The following STXBP6 variants were observed in gnomAD, a reference collection of about 807,000 sequenced individuals.
STXBP6 encodes syntaxin-binding protein 6.
Under a neutral mutation model 26.9 loss-of-function variants are expected in STXBP6, and 21 were observed. That is an observed-to-expected ratio of 0.78 (90% CI 0.55 to 1.12). The LOEUF is 1.12. STXBP6 is among the 50% of genes most tolerant of loss of function. The pLI is 0.00. For synonymous variants in STXBP6, 97 were observed against 92.6 expected, an observed-to-expected ratio of 1.05 and a Z score of -0.27; for missense variants, 232 against 257.9, an observed-to-expected ratio of 0.90 and a Z score of 0.69.
chr14:24,831,837 T>G (rs2068463414), intron 4 of STXBP6, among the ~76,000 whole-genome samples: 1 of 152,058 alleles, frequency 6.6e-6, no homozygotes, highest in African/African-American at 2.4e-5. Context: ...ACACCCCCAT[T>G]GTTTGAGATT....
intron 4 of STXBP6, among the ~76,000 whole-genome samples, chr14:24,847,327 T>A (rs1423205774): frequency 3.9e-5 from 6 of 152,172 alleles, no homozygotes; most frequent in Non-Finnish European, 7.4e-5. Context: ...CTACGTGAAA[T>A]AAGCACAATG....
chr14:24,879,013 T>C (rs770067382), intron 2 of STXBP6, among the ~76,000 whole-genome samples: 14 of 152,150 alleles, frequency 9.2e-5, no homozygotes, highest in Non-Finnish European at 2.9e-5. Context: ...AGAAAGCCTA[T>C]TGACAGCCTA....
intron 4 of STXBP6, among the ~76,000 whole-genome samples, chr14:24,850,730 T>G (rs1468328295): frequency 6.6e-6 from 1 of 152,108 alleles, no homozygotes; most frequent in African/African-American, 2.4e-5. Flanking sequence ...TGACTGGATC[T>G]CCACAGCTAG....
chr14:24,896,570 T>G (rs1306215856), intron 2 of STXBP6, among the ~76,000 whole-genome samples: 1 of 152,182 alleles, frequency 6.6e-6, no homozygotes, highest in African/African-American at 2.4e-5. Context: ...CCACTTACTT[T>G]AAGGGCTCAT....
In STXBP6 at chr14:24,970,071, G is replaced by A. The variant is rs574906747; in HGVS notation, c.154+4594C>T. Among the ~76,000 whole-genome samples, 12 of 152,154 alleles carry A rather than the reference G, an allele frequency of 7.9e-5. No homozygotes were observed. In the East Asian group the frequency reaches 1.4e-3, roughly 17 times the overall value. ...AGCTTGGCCAACATGGTGAAACACC[G>A]TCTCTACTAAAAATACAAAATCAGT... On this transcript the variant is annotated intron_variant, in intron 2 of 5. Coordinates refer to ENST00000323944, the MANE Select transcript of STXBP6 (RefSeq NM_001394410.1).
chr14:24,877,727 A>G (rs2070197690), intron 2 of STXBP6, among the ~76,000 whole-genome samples: 1 of 152,198 alleles, frequency 6.6e-6, no homozygotes, highest in South Asian at 2.1e-4. Flanking sequence ...ATTGCAAACA[A>G]TGCTGCATAA....
chr14:24,911,475 A>G (rs976774312), intron 2 of STXBP6, among the ~76,000 whole-genome samples: 2 of 152,122 alleles, frequency 1.3e-5, no homozygotes, highest in African/African-American at 4.8e-5. Context: ...AAAGAAATCA[A>G]GCAGGAGGAT....
chr14:24,904,066 CTGGCTTCAGGG>C (rs2071302929), intron 2 of STXBP6, among the ~76,000 whole-genome samples: 1 of 152,134 alleles, frequency 6.6e-6, no homozygotes, highest in Non-Finnish European at 1.5e-5. Flanking sequence ...AACTCAAGGG[CTGGCTTCAGGG>C]TATAGGCAAA....
intron 2 of STXBP6, among the ~76,000 whole-genome samples, chr14:24,885,572 G>A (rs1263048902): frequency 6.6e-6 from 1 of 152,188 alleles, no homozygotes; most frequent in African/African-American, 2.4e-5. Context: ...ATTAACTCAG[G>A]CACAGCTCTG....
At chr14:24,922,749 AT>A (rs2072025752) in intron 2 of STXBP6, among the ~76,000 whole-genome samples, 1 of 152,120 alleles carries the variant, frequency 6.6e-6, no homozygotes, top group African/African-American at 2.4e-5. Context: ...GGGAAACCTT[AT>A]AACAATTCCA....
rs61357069 is a variant in STXBP6, at chr14:24,966,161, C to T, written c.154+8504G>A. On this transcript the variant is annotated intron_variant, in intron 2 of 5. Coordinates refer to ENST00000323944, the MANE Select transcript of STXBP6 (RefSeq NM_001394410.1). The stretch of plus-strand genomic sequence containing the variant: ...TTTAAATGAAATATTTGGCACTAGC[C>T]TCTGTTAAGAGTTTTCCCTTGTTTC... Among the ~76,000 whole-genome samples the T allele has an allele frequency of 7.2e-3, 1,102 of 152,196 alleles. 9 individuals carry two copies. Among genetic ancestry groups the T allele is most frequent in the African/African-American group, 0.026 (1,059 of 41,510 alleles).
At chr14:24,921,993 C>T (rs2071996295) in intron 2 of STXBP6, among the ~76,000 whole-genome samples, 2 of 152,004 alleles carry the variant, frequency 1.3e-5, no homozygotes, top group South Asian at 4.1e-4. Context: ...ATCCCCCTCC[C>T]CTTTTTTTCA....
chr14:24,967,503 G>T (rs556503967), intron 2 of STXBP6, among the ~76,000 whole-genome samples: 2 of 152,302 alleles, frequency 1.3e-5, no homozygotes, highest in South Asian at 4.1e-4. Flanking sequence ...AATCAAATGT[G>T]TCTGTGCACA....
At chr14:24,853,934 C>T (rs539509149) in intron 4 of STXBP6, among the ~76,000 whole-genome samples, 1 of 151,982 alleles carries the variant, frequency 6.6e-6, no homozygotes, top group Non-Finnish European at 1.5e-5. Context: ...AAAGGAAGAA[C>T]AAATTAGAGA....
intron 2 of STXBP6, among the ~76,000 whole-genome samples, chr14:24,911,489 CAAAGAAAGAAAG>C (rs554787902): frequency 6.6e-6 from 1 of 151,308 alleles, no homozygotes; most frequent in South Asian, 2.1e-4. Context: ...GGAGGATGTC[CAAAGAAAGAAAG>C]AAAGAAAGAA....
chr14:24,837,602 C>T (rs374953552), intron 4 of STXBP6, among the ~76,000 whole-genome samples: 11 of 152,274 alleles, frequency 7.2e-5, no homozygotes, highest in East Asian at 5.8e-4. Flanking sequence ...GGGCTGAGTA[C>T]ACATAGAACA....
At chr14:24,985,983 T>A (rs1019597716) in intron 1 of STXBP6, among the ~76,000 whole-genome samples, 2 of 152,266 alleles carry the variant, frequency 1.3e-5, no homozygotes, top group South Asian at 2.1e-4. Context: ...TCGACTTTTT[T>A]AAGTAAAAAA....
At chr14:24,995,527 T>G (rs1341859201) in intron 1 of STXBP6, among the ~76,000 whole-genome samples, 1 of 152,108 alleles carries the variant, frequency 6.6e-6, no homozygotes, top group African/African-American at 2.4e-5. Context: ...GAAGGTGGGA[T>G]TTTTTGCAGT....
chr14:25,030,495 G>A (rs1487725313), intron 1 of STXBP6, among the ~76,000 whole-genome samples: 1 of 152,156 alleles, frequency 6.6e-6, no homozygotes, highest in Non-Finnish European at 1.5e-5. Flanking sequence ...TTGAGTGGAG[G>A]ACAAGACACT....
Sources: allele counts gnomAD v4.1 joint callset (sites outside exome capture counted in the v4.1 genomes callset), GRCh38; gene constraint gnomAD v4.1.1; transcripts MANE v1.5; gene names NCBI Gene and HGNC (gene_info 2026-07-23, HGNC 2026-07-21).